The following CEP135 variants were observed in gnomAD, a reference collection of about 807,000 sequenced individuals.
CEP135 encodes the protein centrosomal protein 135.
In CEP135, 142 loss-of-function variants were observed where a neutral mutation model predicts 157.3. That is an observed-to-expected ratio of 0.90 (90% confidence interval 0.79 to 1.04). CEP135 has a LOEUF of 1.04. Ranked by LOEUF, CEP135 falls within the 50% of genes least tolerant of loss-of-function variation. The pLI, the probability that CEP135 is intolerant of heterozygous loss-of-function variation, is 0.00. For missense variants in CEP135, 1,317 were observed against 1,309.2 expected, an observed-to-expected ratio of 1.01 and a Z score of -0.09; for synonymous variants, 396 against 439.8, an observed-to-expected ratio of 0.90 and a Z score of 1.25.
At position 55,965,681 on chromosome 4, in the gene CEP135, A is replaced by G. The variant is rs1232203669; in HGVS notation, c.866A>G (p.Lys289Arg). The G allele has an allele frequency of 6.2e-7, 1 of 1,612,656 alleles. No homozygotes were observed. Among genetic ancestry groups the G allele is most frequent in the Non-Finnish European group, 8.5e-7 (1 of 1,179,664 alleles). ...CAGCAAGCTAATAAAGACCTGGAGA[A>G]GCGTATACGAGAGCTTATGGAAACC... is the stretch of plus-strand genomic sequence containing the variant. ...FLQQANKDLE[K>R]RIRELMETKE... is the part of the protein sequence containing the mutation. The change falls in exon 8 of 26, where the codon AAG becomes AGG. Residue 289 changes from lysine to arginine, a missense_variant. Coordinates refer to ENST00000257287, the MANE Select transcript of CEP135 (RefSeq NM_025009.5).
At chr4:55,993,104 A>C (rs1729848152) in intron 15 of CEP135, among the ~76,000 whole-genome samples, 1 of 152,224 alleles carries the variant, frequency 6.6e-6, no homozygotes, top group South Asian at 2.1e-4. Flanking sequence ...AAAAAGATTT[A>C]ACAAATTAAA....
chr4:56,029,356 G>A lies in CEP135; in HGVS notation c.*12-2004G>A, dbSNP rs192312495. ...TGGAAGTTGAGGTGTGGAGCCAGTG[G>A]CCCAATTCTCTAATCATGCATTGGT... is the stretch of plus-strand genomic sequence containing the variant. On this transcript the variant is annotated intron_variant, in intron 25 of 25. Transcript: ENST00000257287. Among the ~76,000 whole-genome samples the A allele has an allele frequency of 3.5e-4, 53 of 152,274 alleles. 1 individual carries two copies. Among genetic ancestry groups the A allele is most frequent in the Admixed American group, 2.1e-3 (32 of 15,284 alleles).
Position 55,965,815 on chromosome 4 carries a change from G to A in CEP135, c.1000G>A (p.Glu334Lys), listed in dbSNP as rs376310237. 2.3e-5 allele frequency: 37 copies of A among 1,606,828 alleles called. No individual in the cohort carries two copies. The highest frequency in any genetic ancestry group is 2.8e-5 in the Non-Finnish European group (33 of 1,175,570). The change falls in exon 8 of 26, where the codon GAA becomes AAA. Residue 334 changes from glutamate to lysine, a missense_variant. Physicochemically the swap from Glu to Lys is moderately conservative, Grantham distance 56 (BLOSUM62 1). Transcript: ENST00000257287. ...AGCACAGCAGTTGGAAAGACATAAAGAAGAAGTGCTTGAGACTGCTGATAA... is the reference window on the plus strand; with the variant it reads ...AGCACAGCAGTTGGAAAGACATAAAAAAGAAGTGCTTGAGACTGCTGATAA... ...QLAQQLERHK[E>K]EVLETADKEL...
intron 17 of CEP135, among the ~76,000 whole-genome samples, chr4:56,007,829 A>G (rs995880370): frequency 2.4e-4 from 36 of 152,136 alleles, no homozygotes; most frequent in African/African-American, 8.0e-4. Flanking sequence ...TGGCCCAGGA[A>G]CTGACTCGTC....
intron 11 of CEP135, among the ~76,000 whole-genome samples, chr4:55,976,270 A>AAGAATGAAT (rs1387451872): frequency 6.6e-6 from 1 of 151,784 alleles, no homozygotes; most frequent in Non-Finnish European, 1.5e-5. Context: ...AAGAAAGAAA[A>AAGAATGAAT]AGAATGAATT....
At chr4:56,031,238 A>C (rs1010648657) in intron 25 of CEP135, 122 bp from the exon 26 acceptor site, 8 of 152,644 alleles carry the variant, frequency 5.2e-5, no homozygotes, top group Non-Finnish European at 1.2e-4. Flanking sequence ...GATGTGGGGC[A>C]CAGAGTTTTA....
In CEP135 at chr4:55,952,103, G is replaced by C; in HGVS notation, c.-28G>C. 8.5e-7 allele frequency: 1 copy of C among 1,182,986 alleles called. No individual in the cohort carries two copies. The highest frequency in any genetic ancestry group is 1.4e-5 in the South Asian group (1 of 71,394). 73.3% of individuals were successfully genotyped at this position (1,182,986 alleles called of 1,614,324 possible). A position where few individuals can be genotyped will look rare whatever the true frequency, so the allele number is the denominator to read the frequency against. On this transcript the variant is annotated 5_prime_UTR_variant, in exon 2 of 26. Transcript: ENST00000257287. Reference sequence around the variant, plus strand: ...TCTCTCAGGACTTTAATTTTTGGAAGTGAATAAAACTTGTTTTAGAAGACG... The same window carrying C: ...TCTCTCAGGACTTTAATTTTTGGAACTGAATAAAACTTGTTTTAGAAGACG...
At chr4:55,983,051 G>A (rs1030510857) in intron 13 of CEP135, among the ~76,000 whole-genome samples, 2 of 152,102 alleles carry the variant, frequency 1.3e-5, no homozygotes, top group African/African-American at 4.8e-5. Context: ...ATGTCACAAT[G>A]TTCAGTTGAA....
chr4:55,983,940 C>T (rs1292240829), intron 13 of CEP135, among the ~76,000 whole-genome samples: 2 of 152,196 alleles, frequency 1.3e-5, no homozygotes, highest in East Asian at 3.8e-4. Context: ...TCTGAGCTCA[C>T]ATTACTTTGT....
chr4:55,982,274 G>A (rs774744022), intron 13 of CEP135, among the ~76,000 whole-genome samples: 6 of 152,148 alleles, frequency 3.9e-5, no homozygotes, highest in Non-Finnish European at 8.8e-5. Flanking sequence ...AATGTTGCTA[G>A]GAACTTGTAT....
chr4:56,009,056 G>T (rs370309765), intron 18 of CEP135, among the ~76,000 whole-genome samples: 2 of 152,088 alleles, frequency 1.3e-5, no homozygotes, highest in South Asian at 4.1e-4. Context: ...GTGCCACCAC[G>T]CTCAGCTAAT....
At chr4:56,020,899 C>T (rs1730953188) in intron 24 of CEP135, 119 bp downstream of exon 24, 1 of 668,108 alleles carries the variant, frequency 1.5e-6, no homozygotes, top group Admixed American at 3.2e-5. Context: ...ACATAAAGTA[C>T]ATTTCTTTGG....
intron 8 of CEP135, among the ~76,000 whole-genome samples, chr4:55,967,425 A>G (rs920875637): frequency 6.6e-6 from 1 of 152,130 alleles, no homozygotes; most frequent in Non-Finnish European, 1.5e-5. Context: ...AGTTTTTTAT[A>G]TCTTGAGACA....
intron 4 of CEP135, 80 bp from the exon 5 acceptor site, chr4:55,957,143 C>T (rs999570134): frequency 2.4e-5 from 36 of 1,483,638 alleles, no homozygotes; most frequent in South Asian, 1.3e-4. Context: ...ACTTTATAAC[C>T]GAAAGGCTAA....
chr4:56,008,739 A>G (rs536810536), intron 18 of CEP135, among the ~76,000 whole-genome samples: 74 of 152,314 alleles, frequency 4.9e-4, no homozygotes, highest in Non-Finnish European at 2.2e-4. Context: ...CACTGTCACA[A>G]AATTTTACAT....
At chr4:55,952,389 A>T in intron 2 of CEP135, 146 bp downstream of exon 2, 2 of 580,616 alleles carry the variant, frequency 3.4e-6, no homozygotes, top group Non-Finnish European at 6.3e-6. Context: ...CCCTGTCCTC[A>T]ATCCAGGCCT....
chr4:56,013,181 G>A (rs542269922), intron 21 of CEP135, among the ~76,000 whole-genome samples: 1 of 152,234 alleles, frequency 6.6e-6, no homozygotes, highest in East Asian at 1.9e-4. Context: ...TTGACGATTT[G>A]TGTATCTTCT....
rs1445898901 is a variant in CEP135, at chr4:55,969,880, T to C, written c.1110+752T>C. Among the ~76,000 whole-genome samples, 3 of 152,134 alleles carry C rather than the reference T, an allele frequency of 2.0e-5. No homozygotes were observed. The East Asian group carries it at 5.8e-4, about 29-fold the overall frequency. On this transcript the variant is annotated intron_variant, in intron 9 of 25. Transcript: ENST00000257287. The stretch of plus-strand genomic sequence containing the variant: ...CCATCCTCTTTTATTTATTTATTTA[T>C]TTATTTTTTGGAGACAGGGGCTTGC...
intron 15 of CEP135, among the ~76,000 whole-genome samples, chr4:55,997,515 T>G (rs1349214851): frequency 6.6e-6 from 1 of 152,196 alleles, no homozygotes; most frequent in Non-Finnish European, 1.5e-5. Context: ...GGTCATTCTG[T>G]TTTTGAAAGG....
Sources: gnomAD v4.1 joint callset for allele counts (sites outside exome capture counted in the v4.1 genomes callset) on GRCh38, gnomAD v4.1.1 for gene constraint, MANE v1.5 for transcripts, NCBI Gene and HGNC (gene_info 2026-07-23, HGNC 2026-07-21) for gene names.